The following VRK1 variants were observed in gnomAD, a reference collection of about 807,000 sequenced individuals.
The protein encoded by VRK1 is VRK serine/threonine kinase 1.
VRK1 carries 33 observed loss-of-function variants against 57.1 expected under a neutral mutation model. The observed-to-expected ratio is 0.58, with a 90% confidence interval of 0.44 to 0.77. The LOEUF is 0.77. Ranked by LOEUF, VRK1 falls within the 30% of genes least tolerant of loss-of-function variation. VRK1 has a pLI of 0.00. For synonymous variants in VRK1, 137 were observed against 147.8 expected (o/e 0.93, Z 0.53); for missense variants, 413 against 477.3 (o/e 0.87, Z 1.25).
intron 2 of VRK1, among the ~76,000 whole-genome samples, chr14:96,836,809 G>A (rs1444523551): frequency 6.6e-6 from 1 of 152,110 alleles, no homozygotes; most frequent in African/African-American, 2.4e-5. Context: ...GATTACAAGT[G>A]TGAGCCATTG....
intron 1 of VRK1, among the ~76,000 whole-genome samples, chr14:96,820,316 C>G (rs1435164707): frequency 1.3e-5 from 2 of 151,942 alleles, no homozygotes; most frequent in African/African-American, 4.8e-5. Context: ...TGCTGAATGA[C>G]TGTAGAATGG....
In VRK1 at chr14:96,820,649, A is replaced by G. The variant is rs138465524; in HGVS notation, c.-5-12818A>G. On this transcript the variant is annotated intron_variant, in intron 1 of 12. Transcript: ENST00000216639. ...AAATAAACAAAATAAACAGCAAACAATAAGTCATTAGCCAAAAAACATAAA... is the reference window on the plus strand; with the variant it reads ...AAATAAACAAAATAAACAGCAAACAGTAAGTCATTAGCCAAAAAACATAAA... Among the ~76,000 whole-genome samples the G allele has an allele frequency of 1.2e-4, 18 of 152,360 alleles. No homozygotes were observed. The South Asian group carries it at 3.7e-3, about 32-fold the overall frequency.
intron 1 of VRK1, among the ~76,000 whole-genome samples, chr14:96,820,166 C>T (rs754882156): frequency 5.3e-5 from 8 of 151,886 alleles, no homozygotes; most frequent in Non-Finnish European, 8.8e-5. Context: ...CATCACTATC[C>T]GATCGAGAAA....
At chr14:96,825,239 C>G (rs1886756259) in intron 1 of VRK1, among the ~76,000 whole-genome samples, 1 of 152,126 alleles carries the variant, frequency 6.6e-6, no homozygotes, top group African/African-American at 2.4e-5. Context: ...GAATTCCCAT[C>G]TGAAGTTTCT....
At chr14:96,803,187 T>TCA (rs989612857) in intron 1 of VRK1, among the ~76,000 whole-genome samples, 2 of 144,818 alleles carry the variant, frequency 1.4e-5, no homozygotes, top group Admixed American at 6.8e-5. Context: ...TTTTTTTTTT[T>TCA]TGAGGCAGGT....
At position 96,856,550 on chromosome 14, in the gene VRK1, T is replaced by C; in HGVS notation, c.853T>C (p.Leu285=). ...KIRYRENIAS[L]MDKCFPEKNK... is the part of the protein sequence containing the mutation. The stretch of plus-strand genomic sequence containing the variant: ...CAGATACAGAGAAAATATTGCAAGT[T>C]TGATGGACAAATGTTTTCCTGAGAA... Residue 285 remains leucine (L), a synonymous_variant, in exon 10 of 13, where the codon TTG becomes CTG. Transcript: ENST00000216639. 1 of 1,613,760 alleles carries C rather than the reference T, an allele frequency of 6.2e-7. No homozygotes were observed.
chr14:96,855,858 A>G (rs1888133752), intron 8 of VRK1, among the ~76,000 whole-genome samples: 1 of 152,176 alleles, frequency 6.6e-6, no homozygotes, highest in African/African-American at 2.4e-5. Context: ...AAGGAAAACT[A>G]GTTTTATTTC....
At chr14:96,812,073 G>A (rs1401707677) in intron 1 of VRK1, among the ~76,000 whole-genome samples, 1 of 152,270 alleles carries the variant, frequency 6.6e-6, no homozygotes, top group Admixed American at 6.5e-5. Context: ...GTTTCTTAAC[G>A]TGTGTTCAGG....
intron 12 of VRK1, among the ~76,000 whole-genome samples, chr14:96,880,057 A>G (rs992754326): frequency 1.3e-5 from 2 of 152,190 alleles, no homozygotes; most frequent in Non-Finnish European, 2.9e-5. Flanking sequence ...AGAATCAATC[A>G]TAGTACAGTA....
At chr14:96,873,221 A>T (rs1162633760) in intron 11 of VRK1, among the ~76,000 whole-genome samples, 1 of 151,866 alleles carries the variant, frequency 6.6e-6, no homozygotes, top group Middle Eastern at 3.2e-3. Context: ...GCTTCTGAAG[A>T]TTTTTTTTCT....
At chr14:96,851,357 T>A (rs1247937790) in intron 5 of VRK1, among the ~76,000 whole-genome samples, 2 of 152,118 alleles carry the variant, frequency 1.3e-5, no homozygotes, top group Non-Finnish European at 2.9e-5. Context: ...GCCAGGCTGG[T>A]CTCGAACTGC....
At chr14:96,806,764 A>G (rs752482269) in intron 1 of VRK1, among the ~76,000 whole-genome samples, 4 of 152,016 alleles carry the variant, frequency 2.6e-5, no homozygotes, top group Non-Finnish European at 5.9e-5. Flanking sequence ...TTCTCTGGAG[A>G]GGTATCTGAA....
At chr14:96,831,274 C>T (rs1030956617) in intron 1 of VRK1, among the ~76,000 whole-genome samples, 7 of 152,176 alleles carry the variant, frequency 4.6e-5, no homozygotes, top group East Asian at 1.9e-4. Flanking sequence ...ACTGTCCCTC[C>T]GTTTGGTTGG....
chr14:96,808,002 C>CCGCTCTCCGTCTCTCTCTCT (rs1885957800), intron 1 of VRK1, among the ~76,000 whole-genome samples: 1 of 118,140 alleles, frequency 8.5e-6, no homozygotes. Flanking sequence ...TCCCTCTCTC[C>CCGCTCTCCGTCTCTCTCTCT]CTCTCTCTCT....
chr14:96,831,836 T>G (rs1156589660), intron 1 of VRK1, among the ~76,000 whole-genome samples: 2 of 152,178 alleles, frequency 1.3e-5, no homozygotes, highest in African/African-American at 4.8e-5. Flanking sequence ...AGGGCATCTG[T>G]TTTAATATTT....
rs150404780 is a variant in VRK1, at chr14:96,836,917, G to GT, written c.161-844dup. On this transcript the variant is annotated intron_variant, in intron 2 of 12. Transcript: ENST00000216639. ...TTCCCTTCCTGCTCTCACTGCTCAA[G>GT]TAACACCTTGTCAGTAAGGTTTAGA... is the stretch of plus-strand genomic sequence containing the variant. 7.9e-3 allele frequency among the ~76,000 whole-genome samples: 1,198 copies of GT among 152,196 alleles called. 19 individuals are homozygous for GT. The highest frequency in any genetic ancestry group is 0.027 in the African/African-American group (1,135 of 41,518).
chr14:96,811,079 G>A (rs919270679), intron 1 of VRK1, among the ~76,000 whole-genome samples: 3 of 151,940 alleles, frequency 2.0e-5, no homozygotes, highest in African/African-American at 7.3e-5. Context: ...ACAGGTGCAC[G>A]CCACCACGCC....
At position 96,840,892 on chromosome 14, in the gene VRK1, G is replaced by A. The variant is rs938974243; in HGVS notation, c.216+3075G>A. 4.7e-5 allele frequency among the ~76,000 whole-genome samples: 7 copies of A among 147,988 alleles called. No homozygotes were observed. The East Asian group carries it at 1.4e-3, about 29-fold the overall frequency. ...TTTTTTTGAGACAGTGTCTCATCCT[G>A]TTGCCTGGGCTGGAGTGCATTGGTG... On this transcript the variant is annotated intron_variant, in intron 3 of 12. Transcript: ENST00000216639.
chr14:96,858,492 G>A (rs564787996), intron 10 of VRK1, among the ~76,000 whole-genome samples: 22 of 152,068 alleles, frequency 1.4e-4, no homozygotes, highest in Non-Finnish European at 3.1e-4. Context: ...CTCTTAGGTC[G>A]TCTCCAATTT....
Sources: allele counts gnomAD v4.1 joint callset (sites outside exome capture counted in the v4.1 genomes callset), GRCh38; gene constraint gnomAD v4.1.1; transcripts MANE v1.5; gene names NCBI Gene and HGNC (gene_info 2026-07-23, HGNC 2026-07-21).